Variants in MARCHF1 observed in about 807,000 individuals in gnomAD.
The protein encoded by MARCHF1 is E3 ubiquitin-protein ligase MARCHF1.
Under a neutral mutation model 54.2 loss-of-function variants are expected in MARCHF1, and 40 were observed. The ratio of observed to expected loss-of-function variants is 0.74; its 90% CI spans 0.57 to 0.96. The LOEUF (loss-of-function observed/expected upper bound fraction) is 0.96. MARCHF1 is among the 40% of genes least tolerant of loss of function. MARCHF1 has a pLI of 0.00. For missense variants in MARCHF1, 586 were observed against 656.5 expected (o/e 0.89, Z 1.17); for synonymous variants, 236 against 236.3 (o/e 1.00, Z 0.01).
intron 3 of MARCHF1, among the ~76,000 whole-genome samples, chr4:163,895,970 T>C (rs933501352): frequency 6.6e-6 from 1 of 152,146 alleles, no homozygotes; most frequent in Admixed American, 6.6e-5. Context: ...GCAAAAGTAG[T>C]TCAATTACTT....
chr4:163,913,094 G>C (rs984301349), intron 3 of MARCHF1, among the ~76,000 whole-genome samples: 10 of 152,274 alleles, frequency 6.6e-5, no homozygotes, highest in African/African-American at 2.4e-4. Flanking sequence ...GACATTCAAA[G>C]TGTAAGGCCT....
intron 5 of MARCHF1, among the ~76,000 whole-genome samples, chr4:163,691,552 G>T (rs1220244297): frequency 6.6e-6 from 1 of 152,150 alleles, no homozygotes; most frequent in Non-Finnish European, 1.5e-5. Context: ...CAGCATAAGT[G>T]CTGGAAAAAG....
intron 1 of MARCHF1, among the ~76,000 whole-genome samples, chr4:164,379,838 T>C (rs181211317): frequency 6.6e-6 from 1 of 152,144 alleles, no homozygotes; most frequent in African/African-American, 2.4e-5. Context: ...TAGCCAGGCA[T>C]GGTGCTAGTC....
chr4:163,877,246 G>C (rs1750309222), intron 3 of MARCHF1, among the ~76,000 whole-genome samples: 1 of 152,098 alleles, frequency 6.6e-6, no homozygotes, highest in African/African-American at 2.4e-5. Context: ...AAATGTCTAA[G>C]TGACAGAGGT....
At chr4:163,704,997 C>T (rs1744909244) in intron 4 of MARCHF1, among the ~76,000 whole-genome samples, 2 of 151,488 alleles carry the variant, frequency 1.3e-5, no homozygotes, top group Admixed American at 1.3e-4. Flanking sequence ...AAGAATGCTA[C>T]ATGTAACATT....
chr4:163,557,323 G>T (rs1213522033), intron 8 of MARCHF1, among the ~76,000 whole-genome samples: 2 of 152,096 alleles, frequency 1.3e-5, no homozygotes, highest in Admixed American at 6.5e-5. Flanking sequence ...TAATTATTTT[G>T]CTGTATAAGC....
chr4:163,641,017 G>GT (rs1315133490), intron 5 of MARCHF1, among the ~76,000 whole-genome samples: 2 of 150,654 alleles, frequency 1.3e-5, no homozygotes, highest in South Asian at 2.1e-4. Flanking sequence ...TATAAATTCT[G>GT]TTTTTTTATG....
intron 3 of MARCHF1, among the ~76,000 whole-genome samples, chr4:163,933,916 C>T (rs536009080): frequency 2.0e-5 from 3 of 152,342 alleles, no homozygotes; most frequent in South Asian, 4.1e-4. Context: ...AATTCACTTA[C>T]ACCTCCTGCC....
intron 4 of MARCHF1, among the ~76,000 whole-genome samples, chr4:163,703,417 G>A (rs886792410): frequency 3.3e-5 from 5 of 152,098 alleles, no homozygotes; most frequent in African/African-American, 1.2e-4. Flanking sequence ...AAAGCAATCT[G>A]TCCAATTTGC....
Position 163,897,885 on chromosome 4 carries a change from T to C in MARCHF1, c.-38-43716A>G, listed in dbSNP as rs528997122. Among the ~76,000 whole-genome samples the C allele has an allele frequency of 5.7e-5, 7 of 121,804 alleles. No individual in the cohort carries two copies. The South Asian group carries it at 1.9e-3, about 33-fold the overall frequency. The allele number at this position is 121,804 out of a possible 152,430, so 79.9% of individuals were successfully genotyped here. A position where few individuals can be genotyped will look rare whatever the true frequency, so the allele number is the denominator to read the frequency against. The stretch of plus-strand genomic sequence containing the variant: ...TCCTGACTAACATGATGAAACCCAG[T>C]CTCTACTAAAAAAAAACACTAAAAA... On this transcript the variant is annotated intron_variant, in intron 3 of 9. Coordinates refer to ENST00000514618, the MANE Select transcript of MARCHF1 (RefSeq NM_001394959.1).
intron 5 of MARCHF1, among the ~76,000 whole-genome samples, chr4:163,695,956 G>A (rs1744615823): frequency 1.3e-5 from 2 of 152,022 alleles, no homozygotes; most frequent in Non-Finnish European, 2.9e-5. Context: ...ATGGATAATT[G>A]AAAGCTGCCT....
At chr4:163,885,421 G>T (rs1317031377) in intron 3 of MARCHF1, among the ~76,000 whole-genome samples, 3 of 151,938 alleles carry the variant, frequency 2.0e-5, no homozygotes, top group Non-Finnish European at 2.9e-5. Context: ...GTAATACAAG[G>T]TACAACTCAT....
chr4:164,101,422 G>C (rs561409421), intron 2 of MARCHF1, among the ~76,000 whole-genome samples: 2,920 of 119,124 alleles, frequency 0.025, 60 homozygotes, highest in Non-Finnish European at 0.038. Flanking sequence ...ATCTGAGAAC[G>C]GGCAGACTGC....
At chr4:164,064,799 C>T (rs1403472696) in intron 2 of MARCHF1, among the ~76,000 whole-genome samples, 3 of 151,986 alleles carry the variant, frequency 2.0e-5, no homozygotes, top group Admixed American at 1.3e-4. Context: ...ATATATGGCT[C>T]TTATTATTTT....
At chr4:164,348,255 C>T (rs948841401) in intron 1 of MARCHF1, among the ~76,000 whole-genome samples, 8 of 151,704 alleles carry the variant, frequency 5.3e-5, no homozygotes, top group African/African-American at 1.9e-4. Context: ...TGCATTTTAG[C>T]CAATATTGAT....
At chr4:164,171,553 A>G (rs1326292452) in intron 1 of MARCHF1, among the ~76,000 whole-genome samples, 4 of 151,800 alleles carry the variant, frequency 2.6e-5, no homozygotes, top group Non-Finnish European at 5.9e-5. Context: ...TTTAAAATCA[A>G]AGTTATTGCA....
chr4:163,719,346 C>T (rs1243644950), intron 4 of MARCHF1, among the ~76,000 whole-genome samples: 3 of 152,158 alleles, frequency 2.0e-5, no homozygotes, highest in Admixed American at 6.5e-5. Flanking sequence ...CATGTCCCTA[C>T]AAAGGACATG....
chr4:163,630,249 C>T (rs1742025567), intron 5 of MARCHF1, among the ~76,000 whole-genome samples: 1 of 149,446 alleles, frequency 6.7e-6, no homozygotes, highest in African/African-American at 2.5e-5. Context: ...TAAAATACTC[C>T]TCAGCAATAA....
At chr4:163,910,549 C>T (rs1751167340) in intron 3 of MARCHF1, among the ~76,000 whole-genome samples, 1 of 152,146 alleles carries the variant, frequency 6.6e-6, no homozygotes, top group South Asian at 2.1e-4. Flanking sequence ...GGCAGAAGTG[C>T]AATGGCGCGA....
Sources: gnomAD v4.1 joint callset for allele counts (sites outside exome capture counted in the v4.1 genomes callset) on GRCh38, gnomAD v4.1.1 for gene constraint, MANE v1.5 for transcripts, NCBI Gene and HGNC (gene_info 2026-07-23, HGNC 2026-07-21) for gene names.